OCA2: variants seen among roughly 807,000 people sequenced by gnomAD.
OCA2 encodes the protein OCA2 melanosomal transmembrane protein, also known as P protein.
A neutral mutation model predicts 100.2 loss-of-function variants in OCA2; 77 were observed. The ratio of observed to expected loss-of-function variants is 0.77; its 90% CI spans 0.64 to 0.93. The LOEUF (loss-of-function observed/expected upper bound fraction) is 0.93, where lower values mean the gene tolerates loss of function less well. Ranked by LOEUF, OCA2 falls within the 40% of genes least tolerant of loss-of-function variation. The pLI, the probability that OCA2 is intolerant of heterozygous loss-of-function variation, is 0.00. For missense variants in OCA2, 1,062 were observed against 1,089.1 expected (o/e 0.98, Z 0.35); for synonymous variants, 432 against 439.2 (o/e 0.98, Z 0.21).
rs190658610 is a variant in OCA2, at chr15:27,931,075, A to G, written c.1952-4821T>C. On this transcript the variant is annotated intron_variant, in intron 18 of 23. Transcript: ENST00000354638. ...CCCACTTTCAAGAGTTAGAGACTAC[A>G]GTTAGGGTCCACCAAAAGATAAAGG... 2.0e-3 allele frequency among the ~76,000 whole-genome samples: 311 copies of G among 152,286 alleles called. 1 individual carries two copies. The highest frequency in any genetic ancestry group is 7.1e-3 in the African/African-American group (296 of 41,566).
chr15:27,772,609 G>A (rs1018609334), intron 23 of OCA2, among the ~76,000 whole-genome samples: 7 of 152,006 alleles, frequency 4.6e-5, no homozygotes, highest in Admixed American at 1.3e-4. Context: ...TTGGGAGGCC[G>A]AGGTGGGTAG....
At chr15:27,869,460 G>T (rs2036457035) in intron 21 of OCA2, among the ~76,000 whole-genome samples, 1 of 152,248 alleles carries the variant, frequency 6.6e-6, no homozygotes. Context: ...TGAACATATG[G>T]ATATTTGTTG....
chr15:27,917,191 CTAAAAATGA>C (rs2038697050), intron 19 of OCA2, among the ~76,000 whole-genome samples: 2 of 150,186 alleles, frequency 1.3e-5, no homozygotes, highest in Non-Finnish European at 2.9e-5. Context: ...CAAATTATTA[CTAAAAATGA>C]TAATAATAAT....
At chr15:27,775,096 G>GTGTGTGTC (rs1243151285) in intron 23 of OCA2, among the ~76,000 whole-genome samples, 1 of 151,718 alleles carries the variant, frequency 6.6e-6, no homozygotes, top group Non-Finnish European at 1.5e-5. Context: ...GTGTGTGTGT[G>GTGTGTGTC]TGTGTGTCTG....
At chr15:28,038,247 A>T (rs1224814140) in intron 2 of OCA2, among the ~76,000 whole-genome samples, 2 of 152,140 alleles carry the variant, frequency 1.3e-5, no homozygotes, top group Admixed American at 6.5e-5. Context: ...ACACAGCCAA[A>T]CATGTTTCCC....
At chr15:27,889,390 T>G (rs553756351) in intron 19 of OCA2, among the ~76,000 whole-genome samples, 1 of 152,272 alleles carries the variant, frequency 6.6e-6, no homozygotes, top group South Asian at 2.1e-4. Context: ...ACATGCTCAG[T>G]TCCTGCCACA....
intron 11 of OCA2, among the ~76,000 whole-genome samples, chr15:27,989,110 G>A (rs2041459152): frequency 6.6e-6 from 1 of 152,110 alleles, no homozygotes; most frequent in Admixed American, 6.5e-5. Flanking sequence ...TCACACTAGT[G>A]AGTCCCACAC....
intron 23 of OCA2, among the ~76,000 whole-genome samples, chr15:27,837,663 G>A (rs1016880971): frequency 6.6e-6 from 1 of 152,088 alleles, no homozygotes; most frequent in African/African-American, 2.4e-5. Flanking sequence ...AACGATCCTG[G>A]TGGATTTGTG....
At chr15:27,936,367 A>G (rs2039451905) in intron 18 of OCA2, among the ~76,000 whole-genome samples, 1 of 152,186 alleles carries the variant, frequency 6.6e-6, no homozygotes, top group Non-Finnish European at 1.5e-5. Flanking sequence ...GGCAGTTGCT[A>G]TGGCAGCAGA....
intron 19 of OCA2, among the ~76,000 whole-genome samples, chr15:27,922,837 G>T: frequency 6.6e-6 from 1 of 151,746 alleles, no homozygotes; most frequent in East Asian, 1.9e-4. Flanking sequence ...TTAAGTCCAG[G>T]GGTACATGTG....
intron 7 of OCA2, 81 bp downstream of exon 7, chr15:28,018,316 A>G: frequency 7.1e-7 from 1 of 1,414,632 alleles, no homozygotes; most frequent in African/African-American, 1.4e-5. Flanking sequence ...CTCCCCATCA[A>G]ATCCATTCAA....
chr15:27,786,094 T>G (rs887281563), intron 23 of OCA2, among the ~76,000 whole-genome samples: 4 of 152,226 alleles, frequency 2.6e-5, no homozygotes, highest in Non-Finnish European at 5.9e-5. Flanking sequence ...TGAAATCCAA[T>G]TGTTCCAGCA....
chr15:27,784,278 G>A (rs139750453), intron 23 of OCA2, among the ~76,000 whole-genome samples: 140 of 152,298 alleles, frequency 9.2e-4, no homozygotes, highest in African/African-American at 3.2e-3. Context: ...AAGGTACCAC[G>A]AGAGGAATCT....
intron 19 of OCA2, among the ~76,000 whole-genome samples, chr15:27,873,626 C>T (rs1489746861): frequency 2.0e-5 from 3 of 152,044 alleles, no homozygotes; most frequent in Non-Finnish European, 4.4e-5. Context: ...TTGATGTGTA[C>T]CTATAGACAT....
chr15:28,033,159 G>T (rs1410190328), intron 2 of OCA2, among the ~76,000 whole-genome samples: 1 of 152,176 alleles, frequency 6.6e-6, no homozygotes, highest in Non-Finnish European at 1.5e-5. Context: ...GGCATGTATG[G>T]TCACCCTCAT....
intron 19 of OCA2, among the ~76,000 whole-genome samples, chr15:27,891,230 G>C (rs1423506186): frequency 6.6e-6 from 1 of 152,122 alleles, no homozygotes; most frequent in Admixed American, 6.5e-5. Flanking sequence ...CACTCAAAGT[G>C]GTAATTCTAA....
chr15:27,984,552 T>TTTTG (rs200230269), intron 13 of OCA2, among the ~76,000 whole-genome samples: 7,099 of 151,546 alleles, frequency 0.047, 243 homozygotes, highest in South Asian at 0.13. Context: ...GTGAGCCATT[T>TTTTG]TTTGTTTGTT....
intron 21 of OCA2, among the ~76,000 whole-genome samples, chr15:27,867,416 A>G (rs1275340559): frequency 2.0e-5 from 3 of 152,238 alleles, no homozygotes; most frequent in African/African-American, 7.2e-5. Flanking sequence ...CTATTCTCTT[A>G]AAAGATAATC....
chr15:27,946,841 C>T (rs2039855966), intron 18 of OCA2, among the ~76,000 whole-genome samples: 1 of 152,222 alleles, frequency 6.6e-6, no homozygotes, highest in Non-Finnish European at 1.5e-5. Flanking sequence ...TTCTCATTTT[C>T]CCTCTGCCTT....
Sources: allele counts gnomAD v4.1 joint callset (sites outside exome capture counted in the v4.1 genomes callset), GRCh38; gene constraint gnomAD v4.1.1; transcripts MANE v1.5; gene names NCBI Gene and HGNC (gene_info 2026-07-23, HGNC 2026-07-21).